AVL9: variants seen among roughly 807,000 people sequenced by gnomAD.
The protein encoded by AVL9 is AVL9 cell migration associated, also known as late secretory pathway protein AVL9 homolog.
Under a neutral mutation model 79.2 loss-of-function variants are expected in AVL9, and 49 were observed. The ratio of observed to expected loss-of-function variants is 0.62; its 90% CI spans 0.49 to 0.79. The LOEUF is 0.79. Among genes scored for constraint, AVL9 ranks in the 30% least tolerant of loss-of-function variants. AVL9 has a pLI of 0.00. For synonymous variants in AVL9, 299 were observed against 280.6 expected, an observed-to-expected ratio of 1.07 and a Z score of -0.65; for missense variants, 682 against 776.8, an observed-to-expected ratio of 0.88 and a Z score of 1.45.
intron 13 of AVL9, among the ~76,000 whole-genome samples, chr7:32,578,464 T>C (rs1386372189): frequency 3.9e-5 from 6 of 152,076 alleles, no homozygotes; most frequent in Admixed American, 1.3e-4. Context: ...TGGGGTGAAA[T>C]AGTTTAGTTT....
At chr7:32,507,731 T>C (rs955589917) in intron 1 of AVL9, among the ~76,000 whole-genome samples, 1 of 152,236 alleles carries the variant, frequency 6.6e-6, no homozygotes, top group African/African-American at 2.4e-5. Flanking sequence ...TTGGTGCACG[T>C]GTGCAAATCA....
chr7:32,570,233 G>T (rs1790769181), intron 11 of AVL9, 79 bp downstream of exon 11: 4 of 1,540,240 alleles, frequency 2.6e-6, no homozygotes, highest in Non-Finnish European at 3.6e-6. Context: ...TGAATACATA[G>T]TAACAACATT....
At chr7:32,528,575 G>A (rs1788502862) in intron 1 of AVL9, among the ~76,000 whole-genome samples, 1 of 152,090 alleles carries the variant, frequency 6.6e-6, no homozygotes. Context: ...AGACCATTTT[G>A]TCCAGAGGCT....
chr7:32,522,741 G>A (rs1379836460), intron 1 of AVL9, among the ~76,000 whole-genome samples: 1 of 152,100 alleles, frequency 6.6e-6, no homozygotes, highest in African/African-American at 2.4e-5. Flanking sequence ...GATATGGTTT[G>A]GGTGTGTCCT....
chr7:32,570,638 T>G (rs1790789851), intron 11 of AVL9, among the ~76,000 whole-genome samples: 1 of 149,652 alleles, frequency 6.7e-6, no homozygotes, highest in Non-Finnish European at 1.5e-5. Context: ...TTTTTTTTTT[T>G]GAGACAGTTT....
chr7:32,570,962 G>A (rs1281958944), intron 11 of AVL9, among the ~76,000 whole-genome samples: 3 of 142,570 alleles, frequency 2.1e-5, no homozygotes, highest in East Asian at 4.7e-4. Flanking sequence ...CGGCGCAGTG[G>A]CTCACGCCTG....
In AVL9 at chr7:32,583,935, T is replaced by G. The variant is rs758094352; in HGVS notation, c.*28T>G. 46 of 1,548,302 alleles carry G rather than the reference T, an allele frequency of 3.0e-5. No individual in the cohort carries two copies. The highest frequency in any genetic ancestry group is 3.9e-5 in the Non-Finnish European group (44 of 1,120,884). On this transcript the variant is annotated 3_prime_UTR_variant, in exon 16 of 16. Transcript: ENST00000318709. ...AAGGCGTCAGAGGCTGCTATTGCTT[T>G]CTGAGGTTTAAGTGTCCCCTGTCTG...
intron 12 of AVL9, among the ~76,000 whole-genome samples, chr7:32,575,120 C>T (rs1356830223): frequency 7.8e-6 from 1 of 127,818 alleles, no homozygotes; most frequent in Non-Finnish European, 1.7e-5. Flanking sequence ...TTTTTTGAGA[C>T]AGAGTCTCGC....
intron 1 of AVL9, chr7:32,537,349 G>T (rs1265987243): frequency 6.6e-6 from 1 of 150,952 alleles, no homozygotes; most frequent in Non-Finnish European, 1.5e-5. Flanking sequence ...TATCACATTT[G>T]AATATTCTGA....
chr7:32,544,801 A>T lies in AVL9; in HGVS notation c.300+22A>T, dbSNP rs374309574. ...CAAGGTACGATAGTTAATAGTGAAA[A>T]ACAATTCCAAAGTCCCTTCTTAGAT... On this transcript the variant is annotated intron_variant, in intron 3 of 15. Transcript: ENST00000318709. The T allele has an allele frequency of 2.5e-6, 4 of 1,572,224 alleles. No homozygotes were observed. The African/African-American group carries it at 5.4e-5, about 21-fold the overall frequency.
intron 1 of AVL9, chr7:32,538,188 C>T (rs139467495): frequency 1.0e-3 from 154 of 152,306 alleles, no homozygotes; most frequent in African/African-American, 3.5e-3. Context: ...ATTAATTAAA[C>T]TTCTGGCCAA....
intron 1 of AVL9, among the ~76,000 whole-genome samples, chr7:32,506,082 A>G (rs1271591042): frequency 1.3e-5 from 2 of 152,124 alleles, no homozygotes; most frequent in Non-Finnish European, 2.9e-5. Flanking sequence ...ATATTTTTCT[A>G]ATTTTTTTCC....
Position 32,559,204 on chromosome 7 carries a change from C to T in AVL9, c.955C>T (p.Pro319Ser), listed in dbSNP as rs52793627. ...TGATACCAATCAATATTTGAAACCTCCATCTCGCCCATCTCCAGATTCTTC... is the reference window on the plus strand; with the variant it reads ...TGATACCAATCAATATTTGAAACCTTCATCTCGCCCATCTCCAGATTCTTC... ...PNDTNQYLKP[P>S]SRPSPDSSES... Residue 319 changes from proline to serine, a missense_variant, in exon 10 of 16, where the codon CCA (proline) becomes TCA (serine). By Grantham distance (74) the Pro-to-Ser change is moderately conservative (BLOSUM62 -1). Coordinates refer to ENST00000318709, the MANE Select transcript of AVL9 (RefSeq NM_015060.3). 21,895 of 1,614,156 alleles carry T rather than the reference C, an allele frequency of 0.014. 234 individuals are homozygous for T. The highest frequency in any genetic ancestry group is 0.04 in the Middle Eastern group (240 of 6,062).
intron 10 of AVL9, among the ~76,000 whole-genome samples, chr7:32,566,475 A>ATAATAATAC: frequency 6.6e-6 from 1 of 151,016 alleles, no homozygotes; most frequent in Non-Finnish European, 1.5e-5. Flanking sequence ...AGCCAAAATA[A>ATAATAATAC]TAATGTTTAA....
chr7:32,552,361 C>T (rs529412457), intron 6 of AVL9, 66 bp downstream of exon 6: 44 of 976,468 alleles, frequency 4.5e-5, no homozygotes, highest in Admixed American at 2.8e-4. Context: ...AACTGAGTTG[C>T]GTGTAAAACT....
intron 8 of AVL9, among the ~76,000 whole-genome samples, 154 bp downstream of exon 8, chr7:32,554,750 C>T (rs186683453): frequency 3.3e-5 from 5 of 152,042 alleles, no homozygotes; most frequent in Middle Eastern, 3.4e-3. Flanking sequence ...TGTTCTCTGC[C>T]GTAAAAATAT....
intron 13 of AVL9, 27 bp from the exon 14 acceptor site, chr7:32,580,192 T>C (rs749662658): frequency 1.9e-6 from 3 of 1,583,248 alleles, no homozygotes; most frequent in South Asian, 1.1e-5. Flanking sequence ...AAAATACTGA[T>C]AGTTTAAACT....
rs760995462 is a variant in AVL9 at position 32,553,714 on chromosome 7, GT to G, written c.530-11del. The G allele has an allele frequency of 1.3e-5, 20 of 1,598,722 alleles. No individual in the cohort carries two copies. In the Admixed American group the frequency reaches 1.9e-4, roughly 15 times the overall value. ...ATTGTAGTCACACTTGAGCTTTTTT[GT>G]TAACATTGTAGGTCTGTCACCTCGA... On this transcript the variant is annotated splice_polypyrimidine_tract_variant and intron_variant, in intron 6 of 15. Transcript: ENST00000318709.
At position 32,569,458 on chromosome 7, in the gene AVL9, A is replaced by G. The variant is rs149799757; in HGVS notation, c.1216-562A>G. 1.3e-3 allele frequency among the ~76,000 whole-genome samples: 193 copies of G among 152,380 alleles called. 4 individuals are homozygous for G. In the Middle Eastern group the frequency reaches 0.031, roughly 24 times the overall value. On this transcript the variant is annotated intron_variant, in intron 10 of 15. Transcript: ENST00000318709. The stretch of plus-strand genomic sequence containing the variant: ...GTTTTCAAATAAAATTCAAATGGAA[A>G]TTAATTAAATACACAGATACTACCA...
Sources: allele counts gnomAD v4.1 joint callset (sites outside exome capture counted in the v4.1 genomes callset), GRCh38; gene constraint gnomAD v4.1.1; transcripts MANE v1.5; gene names NCBI Gene and HGNC (gene_info 2026-07-23, HGNC 2026-07-21).